GPM6A: variants seen among roughly 807,000 people sequenced by gnomAD.
GPM6A encodes the protein neuronal membrane glycoprotein M6-a.
GPM6A carries 7 observed loss-of-function variants against 32.1 expected under a neutral mutation model. That is an observed-to-expected ratio of 0.22 (90% CI 0.12 to 0.41). The LOEUF is 0.41. Ranked by LOEUF, GPM6A falls within the 10% of genes least tolerant of loss-of-function variation. The pLI, the probability that GPM6A is intolerant of heterozygous loss-of-function variation, is 1.00. For synonymous variants in GPM6A, 130 were observed against 123.4 expected, an observed-to-expected ratio of 1.05 and a Z score of -0.35; for missense variants, 235 against 347.2, an observed-to-expected ratio of 0.68 and a Z score of 2.57.
chr4:175,741,057 T>C (rs774609145), intron 1 of GPM6A, among the ~76,000 whole-genome samples: 33 of 152,170 alleles, frequency 2.2e-4, no homozygotes, highest in Admixed American at 4.6e-4. Context: ...GTATAGATTG[T>C]CTCCTAAGAA....
At chr4:176,000,177 AG>A (rs1459566670) in intron 1 of GPM6A, among the ~76,000 whole-genome samples, 4 of 152,182 alleles carry the variant, frequency 2.6e-5, no homozygotes, top group African/African-American at 9.7e-5. Context: ...AAGAGAGTTC[AG>A]GAATATTTTT....
At chr4:175,677,046 C>A (rs1743410221) in intron 2 of GPM6A, among the ~76,000 whole-genome samples, 1 of 152,044 alleles carries the variant, frequency 6.6e-6, no homozygotes, top group Non-Finnish European at 1.5e-5. Flanking sequence ...TTATTTTCAA[C>A]AGTAATTTTT....
At chr4:175,890,257 T>C (rs888888094) in intron 1 of GPM6A, among the ~76,000 whole-genome samples, 22 of 152,192 alleles carry the variant, frequency 1.4e-4, no homozygotes, top group African/African-American at 5.1e-4. Context: ...TTTAGTAAAG[T>C]TGAAATGTCC....
chr4:175,761,619 T>C (rs1021160167), intron 1 of GPM6A, among the ~76,000 whole-genome samples: 6 of 152,292 alleles, frequency 3.9e-5, no homozygotes, highest in African/African-American at 9.6e-5. Flanking sequence ...TTTGGACATC[T>C]ATAATTTAAT....
At chr4:175,901,774 C>T (rs1270542541) in intron 1 of GPM6A, among the ~76,000 whole-genome samples, 2 of 151,236 alleles carry the variant, frequency 1.3e-5, no homozygotes, top group East Asian at 3.9e-4. Flanking sequence ...TTACAGGCAC[C>T]AGCCACCACG....
chr4:175,637,724 ATATAT>A (rs1418174345), intron 6 of GPM6A, among the ~76,000 whole-genome samples: 6 of 14,698 alleles, frequency 4.1e-4, no homozygotes, highest in South Asian at 1.5e-3. Flanking sequence ...TTTATATATA[ATATAT>A]TATATATTAT....
intron 1 of GPM6A, among the ~76,000 whole-genome samples, chr4:175,872,900 A>C (rs1215502865): frequency 6.6e-6 from 1 of 152,172 alleles, no homozygotes; most frequent in Non-Finnish European, 1.5e-5. Context: ...GAATTAAACT[A>C]TACTCTCTGG....
rs191911782 is a variant in GPM6A, at chr4:175,828,313, T to G, written c.-22-16064A>C. Reference sequence around the variant, plus strand: ...ATGGAAATATTTGAAAGCACGTGAGTTTTTCAAATTGTTAATTGTGTCAAA... The same window carrying G: ...ATGGAAATATTTGAAAGCACGTGAGGTTTTCAAATTGTTAATTGTGTCAAA... On this transcript the variant is annotated intron_variant, in intron 1 of 7. Coordinates refer to the GPM6A transcript ENST00000280187. 3.2e-3 allele frequency among the ~76,000 whole-genome samples: 479 copies of G among 152,044 alleles called. 4 individuals carry two copies. Among genetic ancestry groups the G allele is most frequent in the East Asian group, 0.024 (122 of 5,174 alleles).
intron 1 of GPM6A, among the ~76,000 whole-genome samples, chr4:175,945,500 C>T (rs1422267351): frequency 2.6e-5 from 4 of 151,818 alleles, no homozygotes; most frequent in Non-Finnish European, 5.9e-5. Context: ...ACCCATATTA[C>T]TTAGTTGTAA....
At chr4:175,735,716 C>T (rs1346961678) in intron 1 of GPM6A, among the ~76,000 whole-genome samples, 9 of 152,050 alleles carry the variant, frequency 5.9e-5, no homozygotes, top group South Asian at 2.1e-4. Flanking sequence ...TGTGCCACCA[C>T]GCCCAGCTAA....
chr4:175,835,689 T>C (rs1735746554), intron 1 of GPM6A, among the ~76,000 whole-genome samples: 1 of 147,110 alleles, frequency 6.8e-6, no homozygotes, highest in Non-Finnish European at 1.5e-5. Flanking sequence ...ATATACTTTA[T>C]AAATATATAT....
chr4:175,658,662 C>G (rs1742225937), intron 3 of GPM6A, among the ~76,000 whole-genome samples: 1 of 152,126 alleles, frequency 6.6e-6, no homozygotes, highest in African/African-American at 2.4e-5. Context: ...GGGAGTCTAT[C>G]CACTTGCTGG....
rs557798570 is a variant in GPM6A, at chr4:175,673,611, T to C, written c.387+69A>G. On this transcript the variant is annotated intron_variant, in intron 3 of 6. Coordinates refer to ENST00000393658, the MANE Select transcript of GPM6A (RefSeq NM_201591.3). Reference sequence around the variant, plus strand: ...AAAAAATACTTTAATTCTTGGGAGATGAATGCAAACACCTGTGTGCTATTG... The same window carrying C: ...AAAAAATACTTTAATTCTTGGGAGACGAATGCAAACACCTGTGTGCTATTG... 26 of 1,082,466 alleles carry C rather than the reference T, an allele frequency of 2.4e-5. No individual in the cohort carries two copies. In the South Asian group the frequency reaches 5.4e-4, roughly 22 times the overall value. 67.1% of individuals were successfully genotyped at this position (1,082,466 alleles called of 1,614,324 possible).
intron 1 of GPM6A, among the ~76,000 whole-genome samples, chr4:175,838,946 G>A (rs1735857865): frequency 6.6e-6 from 1 of 152,070 alleles, no homozygotes; most frequent in South Asian, 2.1e-4. Context: ...TTACTGGTGT[G>A]AGCCACCATG....
In GPM6A at chr4:175,862,796, A is replaced by T. The variant is rs1401283201; in HGVS notation, c.-22-50547T>A. Reference sequence around the variant, plus strand: ...TCGAGCAATTCTGGCAGGTATATCCAGTGAATATTTCATGCAAATTTTGCA... The same window carrying T: ...TCGAGCAATTCTGGCAGGTATATCCTGTGAATATTTCATGCAAATTTTGCA... On this transcript the variant is annotated intron_variant, in intron 1 of 7. Transcript: ENST00000280187. 4.6e-5 allele frequency among the ~76,000 whole-genome samples: 7 copies of T among 151,672 alleles called. No homozygotes were observed. The South Asian group carries it at 1.5e-3, about 32-fold the overall frequency.
intron 2 of GPM6A, among the ~76,000 whole-genome samples, chr4:175,674,688 A>G (rs1743265584): frequency 6.6e-6 from 1 of 152,216 alleles, no homozygotes; most frequent in Non-Finnish European, 1.5e-5. Flanking sequence ...TCTATTTTGT[A>G]CTCATCATAC....
chr4:175,871,729 T>C (rs965596361), intron 1 of GPM6A, among the ~76,000 whole-genome samples: 2 of 152,220 alleles, frequency 1.3e-5, no homozygotes, highest in Non-Finnish European at 2.9e-5. Flanking sequence ...TATTGCCTAT[T>C]TCAGAGTCTT....
intron 2 of GPM6A, among the ~76,000 whole-genome samples, chr4:175,696,850 G>A (rs1744608451): frequency 6.6e-6 from 1 of 152,092 alleles, no homozygotes; most frequent in Non-Finnish European, 1.5e-5. Context: ...CTTCCAAGGA[G>A]TAAACGTAAA....
intron 1 of GPM6A, among the ~76,000 whole-genome samples, chr4:175,713,907 C>T (rs1214598622): frequency 1.3e-4 from 20 of 152,190 alleles, no homozygotes. Flanking sequence ...CTTTTCTCTC[C>T]AATTTCCATC....
Sources: gnomAD v4.1 joint callset for allele counts (sites outside exome capture counted in the v4.1 genomes callset) on GRCh38, gnomAD v4.1.1 for gene constraint, MANE v1.5 for transcripts, NCBI Gene and HGNC (gene_info 2026-07-23, HGNC 2026-07-21) for gene names.